The following WDFY3 variants were observed in gnomAD, a reference collection of about 807,000 sequenced individuals.
WDFY3 encodes the protein WD repeat and FYVE domain containing 3.
Under a neutral mutation model 409.6 loss-of-function variants are expected in WDFY3, and 66 were observed. That is an observed-to-expected ratio of 0.16 (90% CI 0.13 to 0.20). The LOEUF (loss-of-function observed/expected upper bound fraction) is 0.20, where lower values mean the gene tolerates loss of function less well. WDFY3 is among the 10% of genes least tolerant of loss of function. WDFY3 has a pLI of 1.00. For synonymous variants in WDFY3, 1,521 were observed against 1,537.1 expected (o/e 0.99, Z 0.25); for missense variants, 3,031 against 4,298.1 (o/e 0.71, Z 8.24).
rs963176760 is a variant in WDFY3 at position 84,778,653 on chromosome 4, C to G, written c.4368G>C (p.Leu1456Phe). The stretch of plus-strand genomic sequence containing the variant: ...GTTTCTTCTTAAGCAACATTGCCAG[C>G]AACTACAAGAAAGTAATACCAAATG... ...KEMERIKGYQLLAMLLKKKRS... is the reference protein window; with the variant it reads ...KEMERIKGYQFLAMLLKKKRS... Residue 1456 changes from leucine to phenylalanine, a missense_variant and splice_region_variant, in exon 27 of 68, where the codon TTG becomes TTC. Physicochemically the swap from Leu to Phe is conservative, Grantham distance 22. This residue lies in a region of WDFY3 where 55 missense variants were observed against 124.1 expected (regional missense o/e 0.44). Coordinates refer to ENST00000295888, the MANE Select transcript of WDFY3 (RefSeq NM_014991.6). 6.2e-7 allele frequency: 1 copy of G among 1,602,754 alleles called. No individual in the cohort carries two copies.
intron 66 of WDFY3, 31 bp from the exon 67 acceptor site, chr4:84,677,427 C>T: frequency 6.5e-7 from 1 of 1,540,090 alleles, no homozygotes; most frequent in Non-Finnish European, 8.7e-7. Flanking sequence ...GAGGTCACTG[C>T]ACGGAAGGCT....
chr4:84,911,013 C>G (rs952605765), intron 2 of WDFY3, among the ~76,000 whole-genome samples: 1 of 151,996 alleles, frequency 6.6e-6, no homozygotes, highest in African/African-American at 2.4e-5. Context: ...AGCCACCATG[C>G]CTAGCCCAAT....
At chr4:84,804,875 G>C (rs1751246814) in intron 15 of WDFY3, among the ~76,000 whole-genome samples, 1 of 152,016 alleles carries the variant, frequency 6.6e-6, no homozygotes. Context: ...GATGAGATTT[G>C]GATTTAAATT....
chr4:84,947,498 C>T (rs916547800), intron 1 of WDFY3, among the ~76,000 whole-genome samples: 2 of 143,214 alleles, frequency 1.4e-5, no homozygotes, highest in African/African-American at 2.6e-5. Flanking sequence ...GGCAAAAGAG[C>T]GAGAATCCGT....
chr4:84,740,524 T>C (rs1056731885), intron 38 of WDFY3, 108 bp from the exon 39 acceptor site: 1 of 1,035,448 alleles, frequency 9.7e-7, no homozygotes, highest in African/African-American at 1.6e-5. Context: ...GATGCCATGC[T>C]AAGTATGCAG....
chr4:84,679,528 A>C (rs1195575047), intron 64 of WDFY3, among the ~76,000 whole-genome samples: 1 of 151,752 alleles, frequency 6.6e-6, no homozygotes, highest in Non-Finnish European at 1.5e-5. Context: ...TTTGCCGCAC[A>C]CTCCCTGCTG....
At chr4:84,905,345 T>C (rs1332008583) in intron 2 of WDFY3, among the ~76,000 whole-genome samples, 1 of 152,056 alleles carries the variant, frequency 6.6e-6, no homozygotes, top group Non-Finnish European at 1.5e-5. Flanking sequence ...CAATTAAAAA[T>C]AAATAAATAA....
rs1456800689 is a variant in WDFY3, at chr4:84,829,033, T to C, written c.927A>G (p.Gly309=). The C allele has an allele frequency of 5.0e-6, 8 of 1,612,938 alleles. No individual in the cohort carries two copies. In the African/African-American group the frequency reaches 8.0e-5, roughly 16 times the overall value. Residue 309 remains glycine (G), a synonymous_variant, in exon 9 of 68, where the codon GGA becomes GGG. Transcript: ENST00000295888. ...TLLDDFRIWQ[G]YNFLCDLLLR... is the part of the protein sequence containing the mutation. ...GCAAGAGATCACAAAGAAAATTATA[T>C]CCTTGCCATATCCGAAAATCATCCA... is the stretch of plus-strand genomic sequence containing the variant.
At chr4:84,895,421 T>C (rs1765502202) in intron 3 of WDFY3, among the ~76,000 whole-genome samples, 1 of 152,158 alleles carries the variant, frequency 6.6e-6, no homozygotes, top group Admixed American at 6.5e-5. Context: ...CAGCTGACAA[T>C]GGACTAGAAC....
chr4:84,846,798 C>T (rs571357039), intron 5 of WDFY3, among the ~76,000 whole-genome samples: 6 of 151,760 alleles, frequency 4.0e-5, no homozygotes, highest in South Asian at 4.2e-4. Context: ...CAGAGAGATT[C>T]ACGGTTACTG....
chr4:84,758,253 T>C (rs1741796772), intron 32 of WDFY3, among the ~76,000 whole-genome samples: 1 of 152,184 alleles, frequency 6.6e-6, no homozygotes, highest in South Asian at 2.1e-4. Flanking sequence ...GCATTTATTA[T>C]TTATTCTTTA....
chr4:84,808,450 A>T (rs1362868539), intron 14 of WDFY3, 33 bp from the exon 15 acceptor site: 2 of 1,594,746 alleles, frequency 1.3e-6, no homozygotes, highest in African/African-American at 1.3e-5. Context: ...GGTGGTTTAG[A>T]GAGGTTAGAA....
chr4:84,909,044 A>G (rs1287394867), intron 2 of WDFY3, among the ~76,000 whole-genome samples: 3 of 151,438 alleles, frequency 2.0e-5, no homozygotes, highest in Non-Finnish European at 4.4e-5. Flanking sequence ...ACACACACAC[A>G]CACGCACACA....
chr4:84,857,101 T>G (rs1398448080), intron 4 of WDFY3, among the ~76,000 whole-genome samples: 1 of 152,214 alleles, frequency 6.6e-6, no homozygotes, highest in Non-Finnish European at 1.5e-5. Flanking sequence ...AAGAGTTTAC[T>G]GAACCTTTGT....
rs1158884837 is a variant in WDFY3 at position 84,713,207 on chromosome 4, C to A, written c.7994G>T (p.Ser2665Ile). ...FLAVVPSLTD[S>I]SESVSGQRPN... is the part of the protein sequence containing the mutation. ...TCGTTGCCCAGATACAGATTCTGAA[C>A]TGTCCGTTAGAGATGGCACTACAGC... Residue 2665 changes from serine (S) to isoleucine (I), a missense_variant, in exon 51 of 68, where the codon AGT becomes ATT. This residue lies in a region of WDFY3 where 45 missense variants were observed against 121.8 expected (regional missense o/e 0.37). Coordinates refer to ENST00000295888, the MANE Select transcript of WDFY3 (RefSeq NM_014991.6). The A allele has an allele frequency of 1.2e-6, 2 of 1,614,100 alleles. No individual in the cohort carries two copies. Among genetic ancestry groups the A allele is most frequent in the Non-Finnish European group, 1.7e-6 (2 of 1,180,050 alleles).
At chr4:84,761,718 C>A (rs1186303225) in intron 32 of WDFY3, among the ~76,000 whole-genome samples, 1 of 152,062 alleles carries the variant, frequency 6.6e-6, no homozygotes, top group East Asian at 1.9e-4. Flanking sequence ...ACTCATCTGA[C>A]TAAGGGCTAA....
intron 1 of WDFY3, among the ~76,000 whole-genome samples, chr4:84,935,196 G>A (rs766772723): frequency 4.3e-4 from 66 of 152,088 alleles, no homozygotes; most frequent in Non-Finnish European, 6.8e-4. Context: ...TCTGACATGT[G>A]TCATGTTCCA....
At chr4:84,822,105 A>G (rs1754155736) in intron 10 of WDFY3, among the ~76,000 whole-genome samples, 1 of 152,182 alleles carries the variant, frequency 6.6e-6, no homozygotes, top group Non-Finnish European at 1.5e-5. Flanking sequence ...TCATATAGAC[A>G]TTTGTTAAAG....
chr4:84,935,123 T>G (rs1198339524), intron 1 of WDFY3, among the ~76,000 whole-genome samples: 1 of 152,196 alleles, frequency 6.6e-6, no homozygotes, highest in African/African-American at 2.4e-5. Context: ...CGTTCTCTTG[T>G]CAATAGCTTA....
Sources: allele counts gnomAD v4.1 joint callset (sites outside exome capture counted in the v4.1 genomes callset), GRCh38; gene constraint gnomAD v4.1.1; regional missense constraint gnomAD v4.1.1; transcripts MANE v1.5; gene names NCBI Gene and HGNC (gene_info 2026-07-23, HGNC 2026-07-21).